Variants in TRPM2 observed in about 807,000 individuals in gnomAD.
TRPM2 encodes the protein transient receptor potential cation channel subfamily M member 2, also known as estrogen-responsive element-associated gene 1 protein.
In TRPM2, 161 loss-of-function variants were observed where a neutral mutation model predicts 174.0. The ratio of observed to expected loss-of-function variants is 0.93; its 90% confidence interval spans 0.81 to 1.05. TRPM2 has a LOEUF of 1.05. TRPM2 is among the 50% of genes least tolerant of loss of function. The pLI is 0.00. For synonymous variants in TRPM2, 954 were observed against 861.3 expected, an observed-to-expected ratio of 1.11 and a Z score of -1.88; for missense variants, 2,057 against 2,038.0, an observed-to-expected ratio of 1.01 and a Z score of -0.18.
At chr21:44,377,665 G>A (rs368061229) in intron 6 of TRPM2, 47 bp from the exon 7 acceptor site, 8 of 1,609,868 alleles carry the variant, frequency 5.0e-6, no homozygotes, top group East Asian at 2.2e-5. Context: ...ACTCGGCTCC[G>A]TGCTTTGTTT....
chr21:44,406,630 G>T lies in TRPM2; in HGVS notation c.2827G>T (p.Val943Leu), dbSNP rs749287313. ...DVFFFLFLLAVWVVSFGVAKQ... is the reference protein window; with the variant it reads ...DVFFFLFLLALWVVSFGVAKQ... ...CTTCTTCTTCCTCTTCCTGCTGGCT[G>T]TGTGGGTGGTGTCCTTCGGGGTGGC... Residue 943 changes from valine (V) to leucine (L), a missense_variant, in exon 19 of 32, where the codon GTG becomes TTG. By Grantham distance (32) the Val-to-Leu change is conservative. Coordinates refer to ENST00000397928, the MANE Select transcript of TRPM2 (RefSeq NM_003307.4). 6.2e-7 allele frequency: 1 copy of T among 1,610,910 alleles called. No individual in the cohort carries two copies. The highest frequency in any genetic ancestry group is 1.1e-5 in the South Asian group (1 of 91,018).
intron 31 of TRPM2, among the ~76,000 whole-genome samples, chr21:44,441,447 G>A (rs769845143): frequency 4.6e-5 from 7 of 152,210 alleles, no homozygotes; most frequent in South Asian, 4.1e-4. Context: ...AAATAACCCC[G>A]GGCTTTAAAT....
upstream of TRPM2, among the ~76,000 whole-genome samples, chr21:44,352,631 C>A (rs886667900): frequency 6.6e-6 from 1 of 152,144 alleles, no homozygotes; most frequent in Non-Finnish European, 1.5e-5. Context: ...CAGGGGATGA[C>A]CATGGATGAC....
chr21:44,393,430 G>A (rs906326912), intron 11 of TRPM2, among the ~76,000 whole-genome samples: 2 of 152,062 alleles, frequency 1.3e-5, no homozygotes, highest in African/African-American at 4.8e-5. Flanking sequence ...TAATATACTG[G>A]ATTCTCTTGG....
intron 24 of TRPM2, 152 bp downstream of exon 24, chr21:44,425,091 A>G: frequency 1.4e-6 from 1 of 697,784 alleles, no homozygotes; most frequent in Non-Finnish European, 2.3e-6. Context: ...CAGCGCCCTC[A>G]GGAACTCAGC....
chr21:44,382,748 C>T lies in TRPM2; in HGVS notation c.1246C>T (p.Leu416=), dbSNP rs2048918840. 2 of 1,614,114 alleles carry T rather than the reference C, an allele frequency of 1.2e-6. No homozygotes were observed. The change falls in exon 9 of 32, where the codon CTG becomes TTG. Residue 416 remains leucine, a synonymous_variant. Transcript: ENST00000397928. ...AGATATCGTCCGGAGGCGGCAGCTG[C>T]TGACTGTCTTCCGGGAAGGCAAGGA... ...IQDIVRRRQL[L]TVFREGKDGQ...
Position 44,416,552 on chromosome 21 carries a change from T to G in TRPM2, c.3147-1375T>G, listed in dbSNP as rs116570270. ...CCACAGATCAGGTCCTAGAGTTCAGTGCCAGACAGTGTCTGTCTCCTGATA... is the reference window on the plus strand; with the variant it reads ...CCACAGATCAGGTCCTAGAGTTCAGGGCCAGACAGTGTCTGTCTCCTGATA... On this transcript the variant is annotated intron_variant, in intron 20 of 31. Coordinates refer to ENST00000397928, the MANE Select transcript of TRPM2 (RefSeq NM_003307.4). 1,732 of 175,994 alleles carry G rather than the reference T, an allele frequency of 9.8e-3. 35 individuals are homozygous for G. Among genetic ancestry groups the G allele is most frequent in the African/African-American group, 0.038 (1,584 of 41,708 alleles). The allele number at this position is 175,994 out of a possible 1,614,324, so 10.9% of individuals were successfully genotyped here.
chr21:44,397,655 C>T, intron 12 of TRPM2, 92 bp from the exon 13 acceptor site: 1 of 1,413,430 alleles, frequency 7.1e-7, no homozygotes, highest in Non-Finnish European at 9.4e-7. Flanking sequence ...TGTCCCCGGG[C>T]CTCGTTTTCA....
In TRPM2 at chr21:44,364,299, C is replaced by G; in HGVS notation, c.423+17C>G. 6.2e-7 allele frequency: 1 copy of G among 1,612,804 alleles called. No homozygotes were observed. The highest frequency in any genetic ancestry group is 8.5e-7 in the Non-Finnish European group (1 of 1,179,224). On this transcript the variant is annotated intron_variant, in intron 3 of 31. Coordinates refer to ENST00000397928, the MANE Select transcript of TRPM2 (RefSeq NM_003307.4). Reference sequence around the variant, plus strand: ...GTGAAAAAGGTTGGTTTCCATCACTCTCGCTCTGAACTGTAGGTGGAGCTG... The same window carrying G: ...GTGAAAAAGGTTGGTTTCCATCACTGTCGCTCTGAACTGTAGGTGGAGCTG...
intron 25 of TRPM2, among the ~76,000 whole-genome samples, chr21:44,426,424 C>T (rs973864528): frequency 7.9e-5 from 12 of 152,144 alleles, no homozygotes; most frequent in African/African-American, 2.7e-4. Flanking sequence ...CCCCAAGTCA[C>T]GGCCACCTGC....
chr21:44,435,759 A>G (rs568097875), intron 28 of TRPM2, among the ~76,000 whole-genome samples: 2 of 109,116 alleles, frequency 1.8e-5, no homozygotes, highest in Non-Finnish European at 3.6e-5. Context: ...CTCACTCTCC[A>G]CACCCATCCA....
Position 44,399,189 on chromosome 21 carries a change from TC to T in TRPM2, c.2063-104del. 4.2e-6 allele frequency: 6 copies of T among 1,428,432 alleles called. No homozygotes were observed. The highest frequency in any genetic ancestry group is 5.6e-6 in the Non-Finnish European group (6 of 1,067,152). 88.5% of individuals were successfully genotyped at this position (1,428,432 alleles called of 1,614,324 possible). A position where few individuals can be genotyped will look rare whatever the true frequency, so the allele number is the denominator to read the frequency against. On this transcript the variant is annotated intron_variant, in intron 13 of 31. Coordinates refer to ENST00000397928, the MANE Select transcript of TRPM2 (RefSeq NM_003307.4). This position sits in a 1 kb window ranked among gnomAD's most constrained non-coding sequence, Gnocchi z 4.6. Reference sequence around the variant, plus strand: ...CAGCCCCACATTTGCCCTGTGCCCTTCCCTGTGTCCTGGTGGTGCTGTCCCG... The same window carrying T: ...CAGCCCCACATTTGCCCTGTGCCCTTCCTGTGTCCTGGTGGTGCTGTCCCG...
At chr21:44,350,801 C>T (rs1407820411), upstream of TRPM2, among the ~76,000 whole-genome samples, 2 of 152,008 alleles carry the variant, frequency 1.3e-5, no homozygotes, top group Non-Finnish European at 2.9e-5. Flanking sequence ...GGTCTGTCTG[C>T]GGGACGCCTT....
rs561646802 is a variant in TRPM2, at chr21:44,419,143, T to C, written c.3461+588T>C. 7.9e-5 allele frequency among the ~76,000 whole-genome samples: 12 copies of C among 152,284 alleles called. No individual in the cohort carries two copies. In the East Asian group the frequency reaches 1.7e-3, roughly 22 times the overall value. On this transcript the variant is annotated intron_variant, in intron 22 of 31. Coordinates refer to ENST00000397928, the MANE Select transcript of TRPM2 (RefSeq NM_003307.4). ...CCCAGCAGCGGGCAGCAGGAAGGGC[T>C]GCCCCCAGTGTCCTGCTCTCAGTGT...
At chr21:44,385,661 C>T (rs1046941004) in intron 9 of TRPM2, among the ~76,000 whole-genome samples, 2 of 152,130 alleles carry the variant, frequency 1.3e-5, no homozygotes, top group Non-Finnish European at 2.9e-5. Flanking sequence ...AAGAAATGCC[C>T]AAGACTGGGT....
chr21:44,414,947 G>A (rs1195934117), intron 20 of TRPM2: 1 of 152,240 alleles, frequency 6.6e-6, no homozygotes, highest in Non-Finnish European at 1.5e-5. Flanking sequence ...TCTGCCATCT[G>A]TAAGTGTGAG....
rs1411666005 is a variant in TRPM2, at chr21:44,364,203, C to G, written c.344C>G (p.Pro115Arg). ...PHTFQGTQWD[P>R]KKHVQEMPTD... ...ACCTTCCAGGGCACACAGTGGGACCCAAAGAAACATGTCCAGGAGATGCCA... is the reference window on the plus strand; with the variant it reads ...ACCTTCCAGGGCACACAGTGGGACCGAAAGAAACATGTCCAGGAGATGCCA... Residue 115 changes from proline to arginine, a missense_variant, in exon 3 of 32, where the codon CCA becomes CGA. By Grantham distance (103) the Pro-to-Arg change is moderately radical. Coordinates refer to ENST00000397928, the MANE Select transcript of TRPM2 (RefSeq NM_003307.4). 6.2e-7 allele frequency: 1 copy of G among 1,614,194 alleles called. No homozygotes were observed. Among genetic ancestry groups the G allele is most frequent in the African/African-American group, 1.3e-5 (1 of 75,054 alleles).
intron 6 of TRPM2, 28 bp from the exon 7 acceptor site, chr21:44,377,684 C>G (rs774866348): frequency 6.2e-7 from 1 of 1,613,732 alleles, no homozygotes; most frequent in South Asian, 1.1e-5. Flanking sequence ...TTAGGTGTGG[C>G]CCTCACTCGG....
rs201748864 is a variant in TRPM2 at position 44,417,954 on chromosome 21, C to G, written c.3174C>G (p.His1058Gln). Residue 1058 changes from histidine to glutamine, a missense_variant, in exon 21 of 32, where the codon CAC (histidine) becomes CAG (glutamine). Transcript: ENST00000397928. ...ACACCTTCCAGCAGGTGCAGGAGCA[C>G]ACGGACCAGATTTGGAAGTTCCAGC... Reference protein sequence around the residue: ...FNYTFQQVQEHTDQIWKFQRH... With the variant: ...FNYTFQQVQEQTDQIWKFQRH... The G allele has an allele frequency of 2.8e-4, 459 of 1,612,660 alleles. No homozygotes were observed. The highest frequency in any genetic ancestry group is 3.7e-4 in the Non-Finnish European group (434 of 1,179,980).
Sources: allele counts gnomAD v4.1 joint callset (sites outside exome capture counted in the v4.1 genomes callset), GRCh38; gene constraint gnomAD v4.1.1; non-coding constraint Gnocchi (gnomAD v3.1); transcripts MANE v1.5; gene names NCBI Gene and HGNC (gene_info 2026-07-23, HGNC 2026-07-21).